Variants in SNX29 observed in about 807,000 individuals in gnomAD.
SNX29 encodes sorting nexin-29.
In SNX29, 78 loss-of-function variants were observed where a neutral mutation model predicts 102.1. The observed-to-expected ratio is 0.76, with a 90% confidence interval of 0.64 to 0.92. The LOEUF (loss-of-function observed/expected upper bound fraction) is 0.92. SNX29 is among the 40% of genes least tolerant of loss of function. The pLI is 0.00. For synonymous variants in SNX29, 580 were observed against 414.5 expected (o/e 1.40, Z -4.85); for missense variants, 1,280 against 1,061.7 (o/e 1.21, Z -2.86).
intron 19 of SNX29, among the ~76,000 whole-genome samples, chr16:12,484,229 G>A (rs1483599556): frequency 6.6e-6 from 1 of 151,932 alleles, no homozygotes; most frequent in Non-Finnish European, 1.5e-5. Flanking sequence ...GCTCACTGCA[G>A]CCTCGAACTC....
chr16:12,315,106 C>T (rs1032001125), intron 15 of SNX29, among the ~76,000 whole-genome samples: 4 of 152,150 alleles, frequency 2.6e-5, no homozygotes, highest in African/African-American at 9.7e-5. Context: ...CCTCTGGAAT[C>T]ATGGGAGGCC....
chr16:12,513,025 G>T (rs1390539485), intron 19 of SNX29, among the ~76,000 whole-genome samples: 1 of 152,118 alleles, frequency 6.6e-6, no homozygotes, highest in Non-Finnish European at 1.5e-5. Flanking sequence ...CTCCAAGGCA[G>T]TGTGTCCGCA....
At position 12,014,967 on chromosome 16, in the gene SNX29, A is replaced by G. The variant is rs538299580; in HGVS notation, c.122+11924A>G. Among the ~76,000 whole-genome samples the G allele has an allele frequency of 1.6e-3, 250 of 152,010 alleles. 2 individuals are homozygous for G. Among genetic ancestry groups the G allele is most frequent in the African/African-American group, 5.9e-3 (246 of 41,452 alleles). On this transcript the variant is annotated intron_variant, in intron 3 of 20. Coordinates refer to ENST00000566228, the MANE Select transcript of SNX29 (RefSeq NM_032167.5). The stretch of plus-strand genomic sequence containing the variant: ...TTTTTTTCTTTTTACTTTTTGGTCA[A>G]CTATTTTTTTTGGGGGAGAGGGGGA...
chr16:12,386,795 T>G (rs2083356735), intron 16 of SNX29, among the ~76,000 whole-genome samples: 1 of 152,164 alleles, frequency 6.6e-6, no homozygotes, highest in African/African-American at 2.4e-5. Flanking sequence ...AAAAAAGGCC[T>G]TCTTTTCCAG....
intron 15 of SNX29, among the ~76,000 whole-genome samples, chr16:12,317,034 T>G (rs537869938): frequency 6.6e-6 from 1 of 152,364 alleles, no homozygotes; most frequent in South Asian, 2.1e-4. Context: ...GTAACTTGAA[T>G]TGTTCTTTTC....
intron 19 of SNX29, among the ~76,000 whole-genome samples, chr16:12,515,785 T>G (rs2089836714): frequency 6.6e-6 from 1 of 152,082 alleles, no homozygotes; most frequent in Non-Finnish European, 1.5e-5. Flanking sequence ...CTTGGACATA[T>G]GCAGGCATGC....
intron 20 of SNX29, among the ~76,000 whole-genome samples, chr16:12,538,065 C>T (rs1597811605): frequency 1.3e-5 from 2 of 151,648 alleles, no homozygotes; most frequent in African/African-American, 2.4e-5. Flanking sequence ...ATCTTGGTGA[C>T]AGCTTTCTTC....
intron 14 of SNX29, among the ~76,000 whole-genome samples, chr16:12,249,033 T>G (rs1051921852): frequency 6.6e-6 from 1 of 152,048 alleles, no homozygotes; most frequent in African/African-American, 2.4e-5. Context: ...ATGTTTTCTT[T>G]AAATACTTTT....
intron 3 of SNX29, among the ~76,000 whole-genome samples, chr16:12,013,739 G>C (rs531422833): frequency 8.6e-5 from 13 of 150,498 alleles, no homozygotes; most frequent in Admixed American, 4.7e-4. Flanking sequence ...CTGCCTCCCA[G>C]GTTCAAGTGA....
At chr16:12,447,116 GA>G (rs751384710) in intron 18 of SNX29, among the ~76,000 whole-genome samples, 141 of 133,312 alleles carry the variant, frequency 1.1e-3, no homozygotes, top group Non-Finnish European at 1.2e-3. Context: ...GCAGTGAGCC[GA>G]GATGGTGCCA....
intron 8 of SNX29, among the ~76,000 whole-genome samples, chr16:12,058,964 T>G (rs954077332): frequency 5.3e-5 from 8 of 151,916 alleles, no homozygotes; most frequent in Admixed American, 5.2e-4. Flanking sequence ...GGCTAATTTT[T>G]AAATTTTTTG....
intron 16 of SNX29, among the ~76,000 whole-genome samples, chr16:12,385,027 G>C (rs2083296003): frequency 6.6e-6 from 1 of 152,202 alleles, no homozygotes; most frequent in Admixed American, 6.5e-5. Context: ...AAAAGTAGCT[G>C]GGCATGGCGG....
chr16:12,115,867 T>C (rs2053677984), intron 11 of SNX29, among the ~76,000 whole-genome samples: 1 of 152,200 alleles, frequency 6.6e-6, no homozygotes, highest in East Asian at 1.9e-4. Flanking sequence ...GTGTAATTGA[T>C]GGATAAGCCC....
rs1414442091 is a variant in SNX29, at chr16:12,570,202, A to G, written c.*1573A>G. 3.8e-6 allele frequency: 4 copies of G among 1,065,010 alleles called. No homozygotes were observed. The highest frequency in any genetic ancestry group is 1.1e-6 in the Non-Finnish European group (1 of 879,120). 66.0% of individuals were successfully genotyped at this position (1,065,010 alleles called of 1,614,324 possible). A position where few individuals can be genotyped will look rare whatever the true frequency, so the allele number is the denominator to read the frequency against. ...ACCGAGTCAGCCTACATGACTTCCAAGGGGACCTGGGGCCAGATAAGCCCT... is the reference window on the plus strand; with the variant it reads ...ACCGAGTCAGCCTACATGACTTCCAGGGGGACCTGGGGCCAGATAAGCCCT... On this transcript the variant is annotated 3_prime_UTR_variant, in exon 21 of 21. Coordinates refer to ENST00000566228, the MANE Select transcript of SNX29 (RefSeq NM_032167.5).
At chr16:12,053,724 C>T (rs765005669) in intron 8 of SNX29, among the ~76,000 whole-genome samples, 1 of 150,606 alleles carries the variant, frequency 6.6e-6, no homozygotes, top group African/African-American at 2.4e-5. Context: ...TACTCTAGTC[C>T]TCATCTGCAT....
chr16:12,551,320 A>C (rs553193395), intron 20 of SNX29, among the ~76,000 whole-genome samples: 17 of 152,276 alleles, frequency 1.1e-4, no homozygotes, highest in African/African-American at 4.1e-4. Context: ...GCCACTTGTA[A>C]CCTCAGAGAT....
chr16:12,359,715 C>G (rs1055422684), intron 16 of SNX29, among the ~76,000 whole-genome samples: 3 of 152,220 alleles, frequency 2.0e-5, no homozygotes, highest in Admixed American at 6.5e-5. Context: ...TACTTCTCAA[C>G]TCACATTATT....
rs945631379 is a variant in SNX29, at chr16:12,111,784, A to C, written c.1403-14849A>C. ...TGAGTGAGAGCGAGAGATCTTCAGG[A>C]GGCTGCTGGGGTAAAGCAAAATCAT... On this transcript the variant is annotated intron_variant, in intron 11 of 20. Coordinates refer to ENST00000566228, the MANE Select transcript of SNX29 (RefSeq NM_032167.5). Among the ~76,000 whole-genome samples the C allele has an allele frequency of 2.0e-5, 3 of 152,168 alleles. No individual in the cohort carries two copies. The East Asian group carries it at 5.8e-4, about 29-fold the overall frequency.
At chr16:12,297,806 A>G (rs1343999807) in intron 15 of SNX29, among the ~76,000 whole-genome samples, 3 of 152,160 alleles carry the variant, frequency 2.0e-5, no homozygotes, top group African/African-American at 7.2e-5. Context: ...CACCTGTCTC[A>G]CTGAACAACT....
Sources: allele counts gnomAD v4.1 joint callset (sites outside exome capture counted in the v4.1 genomes callset), GRCh38; gene constraint gnomAD v4.1.1; transcripts MANE v1.5; gene names NCBI Gene and HGNC (gene_info 2026-07-23, HGNC 2026-07-21).